Variants in PJA2 observed in about 807,000 individuals in gnomAD.
PJA2 encodes the protein praja ring finger ubiquitin ligase 2.
A neutral mutation model predicts 69.3 loss-of-function variants in PJA2; 25 were observed. The observed-to-expected ratio is 0.36, with a 90% CI of 0.26 to 0.50. PJA2 has a LOEUF of 0.50. PJA2 is among the 20% of genes least tolerant of loss of function. The pLI, the probability that PJA2 is intolerant of heterozygous loss-of-function variation, is 0.96. For synonymous variants in PJA2, 308 were observed against 277.8 expected (o/e 1.11, Z -1.08); for missense variants, 809 against 830.2 (o/e 0.97, Z 0.31).
intron 1 of PJA2, among the ~76,000 whole-genome samples, chr5:109,389,659 A>G (rs1747237617): frequency 6.6e-6 from 1 of 151,838 alleles, no homozygotes; most frequent in Non-Finnish European, 1.5e-5. Flanking sequence ...CCTTGGGTTT[A>G]ATTCATTGCT....
At chr5:109,381,419 G>A in intron 3 of PJA2, 84 bp downstream of exon 3, 1 of 1,048,274 alleles carries the variant, frequency 9.5e-7, no homozygotes, top group East Asian at 2.6e-5. Context: ...TCACAGACAT[G>A]CATAATACCC....
chr5:109,342,098 T>C, intron 9 of PJA2, among the ~76,000 whole-genome samples: 1 of 94,126 alleles, frequency 1.1e-5, no homozygotes, highest in Non-Finnish European at 2.3e-5. Flanking sequence ...GGGAGGGAGG[T>C]GGGGATGTCG....
At chr5:109,347,799 C>G (rs1200095431) in intron 7 of PJA2, among the ~76,000 whole-genome samples, 1 of 152,232 alleles carries the variant, frequency 6.6e-6, no homozygotes, top group Non-Finnish European at 1.5e-5. Context: ...ATCCTATATT[C>G]TTTAGAGTTT....
intron 7 of PJA2, among the ~76,000 whole-genome samples, chr5:109,354,304 A>T (rs545532136): frequency 2.1e-5 from 3 of 145,912 alleles, no homozygotes; most frequent in African/African-American, 7.8e-5. Context: ...ATATCTAGAG[A>T]TATCTATAGA....
chr5:109,358,141 G>GATGGCCATA (rs1762445835), intron 6 of PJA2, among the ~76,000 whole-genome samples: 1 of 152,198 alleles, frequency 6.6e-6, no homozygotes, highest in South Asian at 2.1e-4. Flanking sequence ...TGATGGCCAT[G>GATGGCCATA]ATGGCCATAA....
chr5:109,384,699 T>A (rs1034390004), intron 1 of PJA2, among the ~76,000 whole-genome samples: 1 of 152,234 alleles, frequency 6.6e-6, no homozygotes, highest in Non-Finnish European at 1.5e-5. Context: ...TAACAAGTTA[T>A]GATCCTTTAA....
Position 109,343,285 on chromosome 5 carries a change from AAAAAAAAG to A in PJA2, c.2001+897_2001+904del, listed in dbSNP as rs1221755613. On this transcript the variant is annotated intron_variant, in intron 9 of 9. Transcript: ENST00000361189. ...ATTAAGGGCGGTGCAAAAAAAAAAA[AAAAAAAAG>A]AAAGAAAGAAAGAAAGAAAAAAAGA... Among the ~76,000 whole-genome samples, 9 of 104,362 alleles carry A rather than the reference AAAAAAAAG, an allele frequency of 8.6e-5. 1 individual carries two copies. The highest frequency in any genetic ancestry group is 2.9e-4 in the South Asian group (1 of 3,404). 68.5% of individuals were successfully genotyped at this position (104,362 alleles called of 152,430 possible).
Position 109,397,056 on chromosome 5 carries a change from C to T in PJA2, c.-88+12786G>A, listed in dbSNP as rs117053387. ...ATAGGGCTCTGCCCTCATGAATGGA[C>T]TAGTACCTTATAAAAGGCTGGGGGA... On this transcript the variant is annotated intron_variant, in intron 1 of 9. Transcript: ENST00000361189. Among the ~76,000 whole-genome samples the T allele has an allele frequency of 2.6e-5, 4 of 152,210 alleles. No individual in the cohort carries two copies. The East Asian group carries it at 7.7e-4, about 29-fold the overall frequency.
In PJA2 at chr5:109,334,965, TAAGA is replaced by T. The variant is rs989573287; in HGVS notation, c.*2262_*2265del. 7 of 152,560 alleles carry T rather than the reference TAAGA, an allele frequency of 4.6e-5. No individual in the cohort carries two copies. Among genetic ancestry groups the T allele is most frequent in the African/African-American group, 1.7e-4 (7 of 41,438 alleles). The allele number at this position is 152,560 out of a possible 1,614,324, so 9.5% of individuals were successfully genotyped here. ...CCTTTAAATATCAGCATTCATATTATAAGAAATAAGAAAATGTTAAAAAAATAAA... is the reference window on the plus strand; with the variant it reads ...CCTTTAAATATCAGCATTCATATTATAATAAGAAAATGTTAAAAAAATAAA... On this transcript the variant is annotated 3_prime_UTR_variant, in exon 10 of 10. Coordinates refer to ENST00000361189, the MANE Select transcript of PJA2 (RefSeq NM_014819.5).
intron 6 of PJA2, among the ~76,000 whole-genome samples, chr5:109,358,406 C>T (rs407988): frequency 0.74 from 112,525 of 152,158 alleles, 42,267 homozygotes; most frequent in African/African-American, 0.82. Context: ...GGCTTGCTGT[C>T]AATAAATATG....
Position 109,394,598 on chromosome 5 carries a change from A to G in PJA2, c.-87-11078T>C, listed in dbSNP as rs570049704. On this transcript the variant is annotated intron_variant, in intron 1 of 9. Coordinates refer to ENST00000361189, the MANE Select transcript of PJA2 (RefSeq NM_014819.5). ...TTTGTAATTGGCAGAAAAATGTTTA[A>G]TCACTGTGTTAGCAACAGGTTTTTA... 1.2e-4 allele frequency among the ~76,000 whole-genome samples: 19 copies of G among 152,330 alleles called. No individual in the cohort carries two copies. The South Asian group carries it at 3.1e-3, about 25-fold the overall frequency.
intron 1 of PJA2, among the ~76,000 whole-genome samples, chr5:109,391,081 C>T (rs762092656): frequency 2.6e-5 from 4 of 152,160 alleles, no homozygotes; most frequent in East Asian, 1.9e-4. Flanking sequence ...CATTAAAGAC[C>T]CTACTAAACC....
intron 1 of PJA2, among the ~76,000 whole-genome samples, chr5:109,403,026 A>G (rs1747595930): frequency 6.6e-6 from 1 of 152,036 alleles, no homozygotes; most frequent in South Asian, 2.1e-4. Context: ...AGAAAGAAAT[A>G]GTAAGAAGCA....
intron 1 of PJA2, among the ~76,000 whole-genome samples, chr5:109,408,427 A>C (rs1360109467): frequency 6.6e-6 from 1 of 152,242 alleles, no homozygotes; most frequent in Non-Finnish European, 1.5e-5. Flanking sequence ...TTAGCCTTTT[A>C]AAAAGTATTA....
At chr5:109,406,114 G>A (rs552504709) in intron 1 of PJA2, among the ~76,000 whole-genome samples, 6 of 149,040 alleles carry the variant, frequency 4.0e-5, no homozygotes, top group South Asian at 4.2e-4. Flanking sequence ...CACGATCTTG[G>A]CTCACTGCGA....
Position 109,339,997 on chromosome 5 carries a change from C to T in PJA2, c.2002-2641G>A, listed in dbSNP as rs550417012. Among the ~76,000 whole-genome samples the T allele has an allele frequency of 2.0e-5, 3 of 152,286 alleles. No homozygotes were observed. The South Asian group carries it at 6.2e-4, about 32-fold the overall frequency. On this transcript the variant is annotated intron_variant, in intron 9 of 9. Transcript: ENST00000361189. Reference sequence around the variant, plus strand: ...TAATTCAGAATCCAGCATTATACCTCAATCCAGAATACCAGGAAGTCTCAT... The same window carrying T: ...TAATTCAGAATCCAGCATTATACCTTAATCCAGAATACCAGGAAGTCTCAT...
chr5:109,389,292 G>A (rs1747231572), intron 1 of PJA2, among the ~76,000 whole-genome samples: 1 of 152,022 alleles, frequency 6.6e-6, no homozygotes, highest in South Asian at 2.1e-4. Flanking sequence ...TTTTCTTTGT[G>A]GAAAGGTTTT....
At chr5:109,384,692 C>G (rs1479917032) in intron 1 of PJA2, among the ~76,000 whole-genome samples, 1 of 152,068 alleles carries the variant, frequency 6.6e-6, no homozygotes, top group Non-Finnish European at 1.5e-5. Flanking sequence ...AATTCAGTAA[C>G]AAGTTATGAT....
At chr5:109,396,902 T>C (rs1318165073) in intron 1 of PJA2, among the ~76,000 whole-genome samples, 2 of 151,644 alleles carry the variant, frequency 1.3e-5, no homozygotes, top group Non-Finnish European at 2.9e-5. Flanking sequence ...AAAGAAAAAA[T>C]TGAGACATAT....
Sources: gnomAD v4.1 joint callset for allele counts (sites outside exome capture counted in the v4.1 genomes callset) on GRCh38, gnomAD v4.1.1 for gene constraint, MANE v1.5 for transcripts, NCBI Gene and HGNC (gene_info 2026-07-23, HGNC 2026-07-21) for gene names.